Variants in SNED1 observed in about 807,000 individuals in gnomAD.
SNED1 encodes the protein sushi, nidogen and EGF like domains 1.
In SNED1, 81 loss-of-function variants were observed where a neutral mutation model predicts 166.7. That is an observed-to-expected ratio of 0.49 (90% CI 0.41 to 0.58). SNED1 has a LOEUF of 0.58. Among genes scored for constraint, SNED1 ranks in the 20% least tolerant of loss-of-function variants. The pLI, the probability that SNED1 is intolerant of heterozygous loss-of-function variation, is 0.00. For missense variants in SNED1, 1,604 were observed against 2,000.2 expected, an observed-to-expected ratio of 0.80 and a Z score of 3.78; for synonymous variants, 762 against 822.0, an observed-to-expected ratio of 0.93 and a Z score of 1.25.
intron 3 of SNED1, 70 bp from the exon 4 acceptor site, chr2:241,034,498 G>A: frequency 2.2e-6 from 3 of 1,391,392 alleles, no homozygotes; most frequent in Non-Finnish European, 2.9e-6. Flanking sequence ...CATGGTGGGG[G>A]CAGGGTAACC....
At chr2:241,016,025 A>T (rs960338832) in intron 1 of SNED1, 1 of 135,376 alleles carries the variant, frequency 7.4e-6, no homozygotes, top group African/African-American at 3.0e-5. Flanking sequence ...AATCTGTTAA[A>T]TTGGTCATTT....
chr2:241,054,063 C>T (rs921484587), intron 16 of SNED1, among the ~76,000 whole-genome samples: 5 of 152,202 alleles, frequency 3.3e-5, no homozygotes, highest in African/African-American at 7.2e-5. Flanking sequence ...CAAGGCCAAC[C>T]TGCGTGGTCT....
chr2:241,085,613 T>C (rs895201097), intron 29 of SNED1, among the ~76,000 whole-genome samples: 1 of 152,208 alleles, frequency 6.6e-6, no homozygotes, highest in Admixed American at 6.5e-5. Context: ...TGGGTCACTT[T>C]TTTGATTATT....
At position 241,051,713 on chromosome 2, in the gene SNED1, C is replaced by T. The variant is rs890171329; in HGVS notation, c.1736-31C>T. 2.4e-5 allele frequency: 35 copies of T among 1,440,896 alleles called. No individual in the cohort carries two copies. The highest frequency in any genetic ancestry group is 1.8e-4 in the East Asian group (7 of 39,942). 89.3% of individuals were successfully genotyped at this position (1,440,896 alleles called of 1,614,324 possible). On this transcript the variant is annotated intron_variant, in intron 12 of 31. Transcript: ENST00000310397. This position sits in a 1 kb window ranked among gnomAD's most constrained non-coding sequence, Gnocchi z 4.7. ...CTCTGTGGGGCCAGCAGCCTGGCCC[C>T]GTTCATCTGCCTCTCTGTCCTTCCA...
intron 16 of SNED1, among the ~76,000 whole-genome samples, chr2:241,062,205 A>C (rs556547031): frequency 3.9e-5 from 6 of 152,374 alleles, no homozygotes; most frequent in South Asian, 2.1e-4. Context: ...AGAGATTCTT[A>C]TCGCAAGGGA....
At chr2:241,045,610 A>C (rs1025943639) in intron 8 of SNED1, among the ~76,000 whole-genome samples, 20 of 152,004 alleles carry the variant, frequency 1.3e-4, no homozygotes, top group South Asian at 2.1e-4. Context: ...TAAAAAAAAA[A>C]CCTCAACTTC....
intron 16 of SNED1, among the ~76,000 whole-genome samples, chr2:241,055,718 C>T (rs1465265545): frequency 6.6e-6 from 1 of 152,188 alleles, no homozygotes; most frequent in Admixed American, 6.5e-5. Context: ...GTTCTCAGCA[C>T]CTACCAGGTC....
In SNED1 at chr2:241,037,394, G is replaced by T. The variant is rs200817412; in HGVS notation, c.1045+41G>T. The T allele has an allele frequency of 2.2e-6, 3 of 1,348,302 alleles. No homozygotes were observed. The African/African-American group carries it at 4.3e-5, about 19-fold the overall frequency. The allele number at this position is 1,348,302 out of a possible 1,614,324, so 83.5% of individuals were successfully genotyped here. Reference sequence around the variant, plus strand: ...CGGGGCCCACGGGGCCCTGCTGGGGGCAGGATAGCGGGAGACACAGCTGGA... The same window carrying T: ...CGGGGCCCACGGGGCCCTGCTGGGGTCAGGATAGCGGGAGACACAGCTGGA... On this transcript the variant is annotated intron_variant, in intron 6 of 31. Transcript: ENST00000310397.
intron 27 of SNED1, chr2:241,074,069 A>G (rs1221864112): frequency 6.6e-6 from 1 of 152,272 alleles, no homozygotes; most frequent in African/African-American, 2.4e-5. Context: ...GCACCCGGTG[A>G]CCTGTTCTCC....
chr2:241,012,367 T>G (rs1442727914), intron 1 of SNED1, among the ~76,000 whole-genome samples: 2 of 152,218 alleles, frequency 1.3e-5, no homozygotes, highest in African/African-American at 4.8e-5. Flanking sequence ...GTGGGCCCAC[T>G]GCCAGGCCGA....
At chr2:241,044,376 AGAGT>A (rs2061594993) in intron 8 of SNED1, among the ~76,000 whole-genome samples, 1 of 152,246 alleles carries the variant, frequency 6.6e-6, no homozygotes, top group African/African-American at 2.4e-5. Context: ...TGAAAAAGAT[AGAGT>A]AAGCACAGTC....
At chr2:241,040,481 C>T (rs1329191728) in intron 8 of SNED1, 68 bp downstream of exon 8, 1 of 961,688 alleles carries the variant, frequency 1.0e-6, no homozygotes, top group East Asian at 2.6e-5. Context: ...ACCCCCATAG[C>T]CACTTTCCCC....
At chr2:241,011,141 T>TCTCCTGGGGGTGGCAGG (rs1335654850) in intron 1 of SNED1, among the ~76,000 whole-genome samples, 31 of 64,302 alleles carry the variant, frequency 4.8e-4, no homozygotes, top group African/African-American at 2.3e-3. Context: ...GGTCTCCTGG[T>TCTCCTGGGGGTGGCAGG]TCTCCTGGGT....
chr2:241,087,599 T>G lies in SNED1; in HGVS notation c.4205+124T>G, dbSNP rs535155381. The G allele has an allele frequency of 3.7e-5, 54 of 1,450,102 alleles. 2 individuals are homozygous for G. In the South Asian group the frequency reaches 7.1e-4, roughly 19 times the overall value. The allele number at this position is 1,450,102 out of a possible 1,614,324, so 89.8% of individuals were successfully genotyped here. A position where few individuals can be genotyped will look rare whatever the true frequency, so the allele number is the denominator to read the frequency against. The stretch of plus-strand genomic sequence containing the variant: ...GAGCCAGGCGGTCTACTCGCCCAGA[T>G]AGGCAGCCCCTGGGCAGCCACGTTC... On this transcript the variant is annotated intron_variant, in intron 30 of 31. Transcript: ENST00000310397.
At chr2:241,002,777 AC>A (rs769830108) in intron 1 of SNED1, among the ~76,000 whole-genome samples, 16 of 151,606 alleles carry the variant, frequency 1.1e-4, no homozygotes, top group Admixed American at 2.6e-4. Context: ...TTACTGTGCC[AC>A]CCCAAACTCA....
chr2:241,090,561 C>A (rs891135929), intron 31 of SNED1: 3 of 1,259,894 alleles, frequency 2.4e-6, no homozygotes, highest in African/African-American at 3.0e-5. Flanking sequence ...ATACACAGGG[C>A]AGTGCAGTAG....
At chr2:241,033,682 T>C in intron 2 of SNED1, 53 bp from the exon 3 acceptor site, 1 of 1,566,232 alleles carries the variant, frequency 6.4e-7, no homozygotes, top group Non-Finnish European at 8.7e-7. Context: ...AGGGCAGGGC[T>C]TCCCTGGGCC....
chr2:241,014,026 T>A (rs2060497618), intron 1 of SNED1, among the ~76,000 whole-genome samples: 1 of 151,848 alleles, frequency 6.6e-6, no homozygotes, highest in Non-Finnish European at 1.5e-5. Context: ...TTTTTTTTTT[T>A]AAGATGGAGT....
In SNED1 at chr2:241,094,414, A is replaced by C. The variant is rs2125371497; in HGVS notation, c.*2778A>C. 1 of 471,252 alleles carries C rather than the reference A, an allele frequency of 2.1e-6. No individual in the cohort carries two copies. The highest frequency in any genetic ancestry group is 1.5e-5 in the South Asian group (1 of 64,562). 29.2% of individuals were successfully genotyped at this position (471,252 alleles called of 1,614,324 possible). A position where few individuals can be genotyped will look rare whatever the true frequency, so the allele number is the denominator to read the frequency against. ...AACAAAAGTCTTTTTCTTTGCAGTC[A>C]CGCTGTAAGACGAGGCTGCTGGAGA... On this transcript the variant is annotated 3_prime_UTR_variant, in exon 32 of 32. Coordinates refer to ENST00000310397, the MANE Select transcript of SNED1 (RefSeq NM_001080437.3). This position sits in a 1 kb window ranked among gnomAD's most constrained non-coding sequence, Gnocchi z 4.3.
Sources: allele counts gnomAD v4.1 joint callset (sites outside exome capture counted in the v4.1 genomes callset), GRCh38; gene constraint gnomAD v4.1.1; non-coding constraint Gnocchi (gnomAD v3.1); transcripts MANE v1.5; gene names NCBI Gene and HGNC (gene_info 2026-07-23, HGNC 2026-07-21).